The following AKT3 variants were observed in gnomAD, a reference collection of about 807,000 sequenced individuals.
The protein encoded by AKT3 is AKT serine/threonine kinase 3.
In AKT3, 15 loss-of-function variants were observed where a neutral mutation model predicts 65.3. The observed-to-expected ratio is 0.23, with a 90% confidence interval of 0.15 to 0.35. AKT3 has a LOEUF of 0.35. Ranked by LOEUF, AKT3 falls within the 10% of genes least tolerant of loss-of-function variation. AKT3 has a pLI of 1.00. For synonymous variants in AKT3, 206 were observed against 183.8 expected (o/e 1.12, Z -0.98); for missense variants, 243 against 576.5 (o/e 0.42, Z 5.92).
chr1:243,504,623 T>TA lies in AKT3; in HGVS notation c.*625dup, dbSNP rs60854028. ...TCTTCTACAGTATCCACCAGGAATTTAAAAAAAAAAAATTATATATATATA... is the reference window on the plus strand; with the variant it reads ...TCTTCTACAGTATCCACCAGGAATTTAAAAAAAAAAAAATTATATATATATA... On this transcript the variant is annotated 3_prime_UTR_variant, in exon 14 of 14. Transcript: ENST00000673466. 305 of 164,498 alleles carry TA rather than the reference T, an allele frequency of 1.9e-3. No individual in the cohort carries two copies. Among genetic ancestry groups the TA allele is most frequent in the East Asian group, 6.7e-3 (59 of 8,862 alleles). 10.2% of individuals were successfully genotyped at this position (164,498 alleles called of 1,614,324 possible).
At chr1:243,604,962 T>C (rs1477881489) in intron 8 of AKT3, among the ~76,000 whole-genome samples, 1 of 152,186 alleles carries the variant, frequency 6.6e-6, no homozygotes, top group African/African-American at 2.4e-5. Flanking sequence ...CAACATACTG[T>C]CATCTCTCGA....
chr1:243,581,865 G>T (rs925390440), intron 8 of AKT3, among the ~76,000 whole-genome samples: 2 of 151,852 alleles, frequency 1.3e-5, no homozygotes, highest in African/African-American at 4.8e-5. Context: ...TCCAGGAAAT[G>T]AAGGAAGAAA....
chr1:243,490,888 C>T (rs1260120791), intron 13 of AKT3, among the ~76,000 whole-genome samples: 1 of 152,226 alleles, frequency 6.6e-6, no homozygotes, highest in Non-Finnish European at 1.5e-5. Flanking sequence ...GGGAGGGCCC[C>T]AGCAGCACCT....
Position 243,578,408 on chromosome 1 carries a change from T to C in AKT3, c.697-5360A>G, listed in dbSNP as rs575232031. 6.6e-5 allele frequency among the ~76,000 whole-genome samples: 10 copies of C among 152,230 alleles called. 1 individual carries two copies. In the South Asian group the frequency reaches 1.7e-3, roughly 25 times the overall value. On this transcript the variant is annotated intron_variant, in intron 8 of 13. Transcript: ENST00000673466. ...GGGACATGAATGGAGCTGGAAGCCA[T>C]TATCCTAAGCAAACTAACGCAGGAA...
Position 243,843,194 on chromosome 1 carries a change from A to G in AKT3, c.-24T>C, listed in dbSNP as rs1018755394. The G allele has an allele frequency of 2.5e-6, 4 of 1,610,224 alleles. No homozygotes were observed. The Admixed American group carries it at 5.0e-5, about 20-fold the overall frequency. ...ATGATGACTCCCCTCTGAGCCCCCA[A>G]CTTGGAGAAATGGTACTTTGTGATA... On this transcript the variant is annotated 5_prime_UTR_variant, in exon 2 of 14. Coordinates refer to ENST00000673466, the MANE Select transcript of AKT3 (RefSeq NM_005465.7).
At chr1:243,705,577 A>G (rs1448367367) in intron 2 of AKT3, among the ~76,000 whole-genome samples, 2 of 152,220 alleles carry the variant, frequency 1.3e-5, no homozygotes, top group East Asian at 3.8e-4. Flanking sequence ...ATAGAGTTAC[A>G]GTACCCAGTT....
chr1:243,713,436 CACAT>C (rs958412161), intron 2 of AKT3, among the ~76,000 whole-genome samples: 2 of 152,128 alleles, frequency 1.3e-5, no homozygotes, highest in African/African-American at 4.8e-5. Flanking sequence ...ACCAAATCCA[CACAT>C]ACATTCATTC....
At chr1:243,563,604 AG>A in intron 10 of AKT3, 115 bp downstream of exon 10, 7 of 1,300,448 alleles carry the variant, frequency 5.4e-6, no homozygotes, top group Non-Finnish European at 7.1e-6. Flanking sequence ...ATTTTGATTC[AG>A]GTTGAAATAT....
intron 2 of AKT3, among the ~76,000 whole-genome samples, chr1:243,749,079 C>T (rs1213246228): frequency 6.6e-6 from 1 of 152,094 alleles, no homozygotes; most frequent in East Asian, 1.9e-4. Flanking sequence ...TTCATTCTCT[C>T]CCTATTTTCT....
intron 2 of AKT3, among the ~76,000 whole-genome samples, chr1:243,815,476 T>TA (rs1693452657): frequency 6.6e-6 from 1 of 152,144 alleles, no homozygotes; most frequent in Non-Finnish European, 1.5e-5. Flanking sequence ...AAACTTCTAC[T>TA]AACAGTCAAC....
At chr1:243,669,027 CT>C (rs1682992977) in intron 3 of AKT3, among the ~76,000 whole-genome samples, 1 of 148,912 alleles carries the variant, frequency 6.7e-6, no homozygotes, top group Non-Finnish European at 1.5e-5. Flanking sequence ...ATTTGAAAGA[CT>C]TAAGTTTTAA....
chr1:243,805,499 T>A (rs1692667549), intron 2 of AKT3, among the ~76,000 whole-genome samples: 1 of 152,210 alleles, frequency 6.6e-6, no homozygotes, highest in African/African-American at 2.4e-5. Context: ...ATTTTTCAAA[T>A]GAATGGTTTA....
intron 2 of AKT3, among the ~76,000 whole-genome samples, chr1:243,770,783 G>A (rs1021129739): frequency 6.7e-6 from 1 of 150,264 alleles, no homozygotes; most frequent in Non-Finnish European, 1.5e-5. Context: ...CAAATATTCA[G>A]GGACCTAGTT....
chr1:243,541,403 C>T (rs1299056141), intron 12 of AKT3, among the ~76,000 whole-genome samples: 2 of 150,536 alleles, frequency 1.3e-5, no homozygotes, highest in Non-Finnish European at 2.9e-5. Flanking sequence ...GACCCTTCAG[C>T]TTGGGCTGTT....
At chr1:243,745,288 T>G (rs1229923912) in intron 2 of AKT3, among the ~76,000 whole-genome samples, 2 of 152,040 alleles carry the variant, frequency 1.3e-5, no homozygotes, top group African/African-American at 2.4e-5. Context: ...TGCAGTGAGC[T>G]ATGATCATGC....
intron 8 of AKT3, among the ~76,000 whole-genome samples, chr1:243,586,171 T>C (rs1443044029): frequency 6.6e-6 from 1 of 152,146 alleles, no homozygotes; most frequent in Non-Finnish European, 1.5e-5. Context: ...AAAACCACAA[T>C]GAGATATCAT....
chr1:243,607,982 G>A (rs1417339201), intron 8 of AKT3, among the ~76,000 whole-genome samples: 1 of 152,170 alleles, frequency 6.6e-6, no homozygotes, highest in African/African-American at 2.4e-5. Context: ...TAAGTTTCCT[G>A]AGGACTCCCC....
At chr1:243,842,331 A>G (rs1204306112) in intron 2 of AKT3, among the ~76,000 whole-genome samples, 1 of 152,192 alleles carries the variant, frequency 6.6e-6, no homozygotes, top group African/African-American at 2.4e-5. Context: ...CTGAGAATGG[A>G]ACAGTCCTCA....
At chr1:243,527,897 A>AAGCAAGACTCCATCT (rs1315746479) in intron 12 of AKT3, among the ~76,000 whole-genome samples, 1 of 109,588 alleles carries the variant, frequency 9.1e-6, no homozygotes, top group African/African-American at 3.7e-5. Flanking sequence ...ACACACACAC[A>AAGCAAGACTCCATCT]CACACACACA....
Sources: allele counts gnomAD v4.1 joint callset (sites outside exome capture counted in the v4.1 genomes callset), GRCh38; gene constraint gnomAD v4.1.1; transcripts MANE v1.5; gene names NCBI Gene and HGNC (gene_info 2026-07-23, HGNC 2026-07-21).